Variants in CDK8 observed in about 807,000 individuals in gnomAD.
CDK8 encodes the protein cyclin dependent kinase 8, also known as cyclin-dependent kinase 8.
CDK8 carries 29 observed loss-of-function variants against 71.5 expected under a neutral mutation model. That is an observed-to-expected ratio of 0.41 (90% CI 0.30 to 0.55). CDK8 has a LOEUF of 0.55. CDK8 is among the 20% of genes least tolerant of loss of function. The probability of loss-of-function intolerance (pLI) is 0.37; values close to 1 mark genes in which losing one functional copy is unlikely to be tolerated. For synonymous variants in CDK8, 161 were observed against 192.1 expected (o/e 0.84, Z 1.34); for missense variants, 288 against 572.6 (o/e 0.50, Z 5.07).
At chr13:26,287,696 G>A (rs1017389107) in intron 1 of CDK8, among the ~76,000 whole-genome samples, 3 of 152,054 alleles carry the variant, frequency 2.0e-5, no homozygotes, top group Non-Finnish European at 4.4e-5. Context: ...ACCACACACC[G>A]CCTGTTCCCT....
intron 1 of CDK8, among the ~76,000 whole-genome samples, chr13:26,335,543 C>T (rs1052604019): frequency 1.3e-5 from 2 of 152,078 alleles, no homozygotes; most frequent in South Asian, 2.1e-4. Flanking sequence ...TTAGATGTCT[C>T]ACTGGTCCCC....
rs982809158 is a variant in CDK8 at position 26,332,320 on chromosome 13, A to G, written c.129-5247A>G. Among the ~76,000 whole-genome samples, 16 of 151,868 alleles carry G rather than the reference A, an allele frequency of 1.1e-4. 1 individual carries two copies. The highest frequency in any genetic ancestry group is 4.6e-4 in the Admixed American group (7 of 15,230). ...GACCAACAAGTGAAACCCTATCTCT[A>G]CTAAAAATACAAAAATTAGCCAGGC... is the stretch of plus-strand genomic sequence containing the variant. On this transcript the variant is annotated intron_variant, in intron 1 of 12. Coordinates refer to ENST00000381527, the MANE Select transcript of CDK8 (RefSeq NM_001260.3).
rs139311619 is a variant in CDK8, at chr13:26,266,597, A to G, written c.128+11828A>G. Among the ~76,000 whole-genome samples, 29 of 152,300 alleles carry G rather than the reference A, an allele frequency of 1.9e-4. No homozygotes were observed. The East Asian group carries it at 5.4e-3, about 28-fold the overall frequency. On this transcript the variant is annotated intron_variant, in intron 1 of 12. Coordinates refer to ENST00000381527, the MANE Select transcript of CDK8 (RefSeq NM_001260.3). ...ATGTGGCTCAGAGGGCAAGGGAGAT[A>G]AAGAAGTGTCTGGGTTAAATAAAAT...
chr13:26,265,990 G>GA (rs1459669060), intron 1 of CDK8, among the ~76,000 whole-genome samples: 1 of 152,172 alleles, frequency 6.6e-6, no homozygotes, highest in Non-Finnish European at 1.5e-5. Flanking sequence ...TTGAATTAGG[G>GA]AAGTGAGAGA....
intron 5 of CDK8, among the ~76,000 whole-genome samples, chr13:26,384,247 T>G (rs201447454): frequency 2.4e-5 from 2 of 81,972 alleles, no homozygotes; most frequent in Non-Finnish European, 6.5e-5. Context: ...AACTTTTGGG[T>G]TTTTTTTTTT....
At chr13:26,350,748 C>T (rs1873650258) in intron 3 of CDK8, among the ~76,000 whole-genome samples, 1 of 152,116 alleles carries the variant, frequency 6.6e-6, no homozygotes, top group South Asian at 2.1e-4. Context: ...ATTAGTTTAT[C>T]TAATGCATTG....
At chr13:26,310,251 A>G (rs534889092) in intron 1 of CDK8, among the ~76,000 whole-genome samples, 1 of 151,862 alleles carries the variant, frequency 6.6e-6, no homozygotes, top group East Asian at 1.9e-4. Context: ...GCATTTGACT[A>G]CTCTAAGTAC....
intron 1 of CDK8, among the ~76,000 whole-genome samples, chr13:26,326,683 T>G (rs1875032955): frequency 1.3e-5 from 2 of 152,192 alleles, no homozygotes; most frequent in Non-Finnish European, 2.9e-5. Flanking sequence ...GAGGATCTGT[T>G]GCGATGCTAT....
At chr13:26,286,050 G>A (rs1873004205) in intron 1 of CDK8, among the ~76,000 whole-genome samples, 1 of 152,152 alleles carries the variant, frequency 6.6e-6, no homozygotes, top group South Asian at 2.1e-4. Flanking sequence ...GCTCTTGGAT[G>A]GGTAGAATCA....
chr13:26,278,329 CA>C (rs1872627962), intron 1 of CDK8, among the ~76,000 whole-genome samples: 1 of 152,122 alleles, frequency 6.6e-6, no homozygotes, highest in South Asian at 2.1e-4. Context: ...CCTCATTTTA[CA>C]TTTTTAAAAT....
intron 6 of CDK8, among the ~76,000 whole-genome samples, chr13:26,392,427 A>G (rs1875794385): frequency 6.7e-6 from 1 of 148,696 alleles, no homozygotes; most frequent in Admixed American, 6.9e-5. Context: ...TCCCGGGTTC[A>G]AGCAATTCTC....
rs569175350 is a variant in CDK8, at chr13:26,384,492, A to G, written c.515-719A>G. Among the ~76,000 whole-genome samples the G allele has an allele frequency of 9.8e-5, 15 of 152,324 alleles. No individual in the cohort carries two copies. In the South Asian group the frequency reaches 3.1e-3, roughly 32 times the overall value. On this transcript the variant is annotated intron_variant, in intron 5 of 12. Transcript: ENST00000381527. ...ATTTTTGCCTTTAAAAGATGATGGTATAGCAGGATAAACAGCCATGCCCGA... is the reference window on the plus strand; with the variant it reads ...ATTTTTGCCTTTAAAAGATGATGGTGTAGCAGGATAAACAGCCATGCCCGA...
At chr13:26,277,731 T>C (rs9581615) in intron 1 of CDK8, among the ~76,000 whole-genome samples, 16,470 of 152,152 alleles carry the variant, frequency 0.11, 2,639 homozygotes, top group African/African-American at 0.35. Flanking sequence ...AATAAGACAG[T>C]TGGATAGAAG....
At chr13:26,315,641 T>C (rs17083763) in intron 1 of CDK8, among the ~76,000 whole-genome samples, 9,794 of 152,208 alleles carry the variant, frequency 0.064, 1,022 homozygotes, top group African/African-American at 0.22. Flanking sequence ...CAATTTAGCA[T>C]TGTGGTTGAG....
intron 1 of CDK8, among the ~76,000 whole-genome samples, chr13:26,327,474 C>A (rs1875070211): frequency 6.6e-6 from 1 of 152,116 alleles, no homozygotes; most frequent in Non-Finnish European, 1.5e-5. Flanking sequence ...TTAAATGATA[C>A]AATTGTTAAC....
At chr13:26,396,099 T>C (rs893801383) in intron 7 of CDK8, 186 bp from the exon 8 acceptor site, 11 of 310,434 alleles carry the variant, frequency 3.5e-5, no homozygotes, top group Non-Finnish European at 6.1e-5. Flanking sequence ...TATAAAGTTA[T>C]ATAAGGGATA....
rs1426876568 is a variant in CDK8 at position 26,401,683 on chromosome 13, C to G, written c.1269+59C>G. The G allele has an allele frequency of 6.5e-7, 1 of 1,539,852 alleles. No homozygotes were observed. The highest frequency in any genetic ancestry group is 9.0e-7 in the Non-Finnish European group (1 of 1,115,312). On this transcript the variant is annotated intron_variant, in intron 12 of 12. Transcript: ENST00000381527. The surrounding 1 kb of genome is among the most constrained non-coding windows in gnomAD (Gnocchi z 4.5). ...CAGTGTTTACATATGGGTTTATGAT[C>G]GTGGGAAAATGTGATTTAATTGAGA...
chr13:26,404,413 C>T lies in CDK8; in HGVS notation c.*332C>T, dbSNP rs1003786834. ...AAGCTGTGAATGTGCTAGGGGCAAG[C>T]ATTTGTCTTTGTATGTGGTGAATTT... On this transcript the variant is annotated 3_prime_UTR_variant, in exon 13 of 13. Transcript: ENST00000381527. 1.8e-5 allele frequency: 5 copies of T among 279,120 alleles called. No individual in the cohort carries two copies. The East Asian group carries it at 2.1e-4, about 12-fold the overall frequency. The allele number at this position is 279,120 out of a possible 1,614,324, so 17.3% of individuals were successfully genotyped here.
intron 6 of CDK8, among the ~76,000 whole-genome samples, chr13:26,388,444 A>G (rs1875583919): frequency 1.3e-5 from 2 of 152,228 alleles, no homozygotes. Context: ...CTAATGTGAT[A>G]CACAGAGATT....
Sources: gnomAD v4.1 joint callset for allele counts (sites outside exome capture counted in the v4.1 genomes callset) on GRCh38, gnomAD v4.1.1 for gene constraint, Gnocchi (gnomAD v3.1) non-coding constraint, MANE v1.5 for transcripts, NCBI Gene and HGNC (gene_info 2026-07-23, HGNC 2026-07-21) for gene names.